NPAS3: variants seen among roughly 807,000 people sequenced by gnomAD.
NPAS3 encodes the protein neuronal PAS domain-containing protein 3.
In NPAS3, 14 loss-of-function variants were observed where a neutral mutation model predicts 73.1. The ratio of observed to expected loss-of-function variants is 0.19; its 90% CI spans 0.13 to 0.30. The LOEUF is 0.30. Among genes scored for constraint, NPAS3 ranks in the 10% least tolerant of loss-of-function variants. The pLI, the probability that NPAS3 is intolerant of heterozygous loss-of-function variation, is 1.00. For missense variants in NPAS3, 1,096 were observed against 1,250.0 expected, an observed-to-expected ratio of 0.88 and a Z score of 1.86; for synonymous variants, 620 against 541.5, an observed-to-expected ratio of 1.14 and a Z score of -2.01.
At chr14:33,285,749 C>T (rs575880389) in intron 3 of NPAS3, among the ~76,000 whole-genome samples, 84 of 152,354 alleles carry the variant, frequency 5.5e-4, no homozygotes, top group South Asian at 1.5e-3. Flanking sequence ...CCTGCAGTGC[C>T]TCCTGCCTGG....
At chr14:33,595,491 G>C (rs2094606088) in intron 5 of NPAS3, among the ~76,000 whole-genome samples, 1 of 152,004 alleles carries the variant, frequency 6.6e-6, no homozygotes, top group Non-Finnish European at 1.5e-5. Context: ...ATAAAATGCT[G>C]TGAAATTCAA....
chr14:33,069,509 A>G (rs981612741), intron 2 of NPAS3, among the ~76,000 whole-genome samples: 2 of 152,226 alleles, frequency 1.3e-5, no homozygotes, highest in Admixed American at 6.5e-5. Context: ...TGTGCAGGCT[A>G]TGATGGAGAC....
At chr14:33,025,852 G>C (rs748338065) in intron 1 of NPAS3, among the ~76,000 whole-genome samples, 4 of 152,180 alleles carry the variant, frequency 2.6e-5, no homozygotes, top group Non-Finnish European at 5.9e-5. Context: ...TCACAGAACT[G>C]TGAGCCAACT....
chr14:33,462,213 A>G (rs559947623), intron 4 of NPAS3, among the ~76,000 whole-genome samples: 1 of 152,316 alleles, frequency 6.6e-6, no homozygotes, highest in South Asian at 2.1e-4. Flanking sequence ...TCTGGGCAAC[A>G]TTAGGCAAGT....
chr14:33,067,873 A>G (rs2138623989), intron 2 of NPAS3, among the ~76,000 whole-genome samples: 1 of 152,262 alleles, frequency 6.6e-6, no homozygotes, highest in Admixed American at 6.5e-5. Context: ...TTATATAGTA[A>G]TTCAGTCTCA....
At chr14:32,955,363 G>T (rs896402072) in intron 1 of NPAS3, among the ~76,000 whole-genome samples, 4 of 152,044 alleles carry the variant, frequency 2.6e-5, no homozygotes, top group Non-Finnish European at 4.4e-5. Context: ...TCTGCAATGG[G>T]ACTACTTATG....
chr14:33,653,841 A>G (rs2059068561), intron 5 of NPAS3, among the ~76,000 whole-genome samples: 1 of 152,216 alleles, frequency 6.6e-6, no homozygotes, highest in Admixed American at 6.5e-5. Flanking sequence ...TGGAAGTTTT[A>G]GGTAAACCAT....
upstream of NPAS3, among the ~76,000 whole-genome samples, chr14:32,936,268 A>C (rs1457981720): frequency 6.6e-6 from 1 of 152,074 alleles, no homozygotes; most frequent in Non-Finnish European, 1.5e-5. Context: ...AATATTCTGT[A>C]GAAGACTTCA....
intron 3 of NPAS3, among the ~76,000 whole-genome samples, chr14:33,345,779 C>A (rs1025625374): frequency 1.3e-5 from 2 of 152,168 alleles, no homozygotes; most frequent in African/African-American, 4.8e-5. Flanking sequence ...AAATTTTTCT[C>A]CCTTGTTTTT....
At chr14:33,095,682 T>A (rs76574623) in intron 2 of NPAS3, among the ~76,000 whole-genome samples, 1 of 144,196 alleles carries the variant, frequency 6.9e-6, no homozygotes, top group Non-Finnish European at 1.5e-5. Flanking sequence ...TTTTTTTTTT[T>A]TTTTGAGAGG....
chr14:32,974,985 G>A (rs1200042134), intron 1 of NPAS3, among the ~76,000 whole-genome samples: 1 of 152,162 alleles, frequency 6.6e-6, no homozygotes, highest in South Asian at 2.1e-4. Flanking sequence ...AAAGTAGTCT[G>A]TCAGAATTTA....
intron 1 of NPAS3, among the ~76,000 whole-genome samples, chr14:33,053,441 G>A (rs914579931): frequency 3.9e-5 from 6 of 152,160 alleles, no homozygotes; most frequent in African/African-American, 1.4e-4. Context: ...AGTCCATCTA[G>A]ACAGAAGTGA....
chr14:33,079,325 C>CTTTTTTTTTTTTTTTTTTTTTTTTTTT (rs772885846), intron 2 of NPAS3, among the ~76,000 whole-genome samples: 1 of 132,300 alleles, frequency 7.6e-6, no homozygotes, highest in Admixed American at 7.6e-5. Context: ...TTTCTTTTTC[C>CTTTTTTTTTTTTTTTTTTTTTTTTTTT]TTTTTTTTTT....
chr14:33,048,560 T>C (rs564986250), intron 1 of NPAS3, among the ~76,000 whole-genome samples: 2 of 152,342 alleles, frequency 1.3e-5, no homozygotes, highest in East Asian at 3.9e-4. Context: ...TTGCCTGCTG[T>C]TCTCTACACA....
intron 1 of NPAS3, among the ~76,000 whole-genome samples, chr14:33,027,903 C>T (rs1197060999): frequency 6.6e-6 from 1 of 152,066 alleles, no homozygotes; most frequent in Non-Finnish European, 1.5e-5. Flanking sequence ...TTTTCCTGTG[C>T]CTTCTTTTGT....
intron 9 of NPAS3, among the ~76,000 whole-genome samples, chr14:33,784,951 T>C (rs10144944): frequency 3.3e-3 from 505 of 151,040 alleles, no homozygotes; most frequent in African/African-American, 0.012. Flanking sequence ...AGTTTCTCCA[T>C]GTTGGTCAGG....
chr14:33,276,165 G>C (rs1324391068), intron 3 of NPAS3, among the ~76,000 whole-genome samples: 1 of 152,108 alleles, frequency 6.6e-6, no homozygotes, highest in African/African-American at 2.4e-5. Context: ...TCGAAAGTAG[G>C]GTTAATTTGA....
intron 1 of NPAS3, among the ~76,000 whole-genome samples, chr14:33,051,243 C>T (rs1025170491): frequency 7.6e-5 from 11 of 144,020 alleles, no homozygotes; most frequent in South Asian, 2.2e-4. Context: ...CATTGCAGTC[C>T]GCAGTCCGGC....
rs1231453126 is a variant in NPAS3 at position 33,799,717 on chromosome 14, C to A, written c.1427-17C>A. 1.9e-6 allele frequency: 3 copies of A among 1,548,942 alleles called. No individual in the cohort carries two copies. The highest frequency in any genetic ancestry group is 2.4e-5 in the East Asian group (1 of 40,996). ...CTCTCTCCGCCCCCGCCACCGCCGG[C>A]CCCCCGCCCCACACAGAGGACAACG... On this transcript the variant is annotated splice_polypyrimidine_tract_variant and intron_variant, in intron 11 of 11. Coordinates refer to ENST00000356141, the Ensembl canonical transcript of NPAS3.
Sources: allele counts gnomAD v4.1 joint callset (sites outside exome capture counted in the v4.1 genomes callset), GRCh38; gene constraint gnomAD v4.1.1; transcripts MANE v1.5; gene names NCBI Gene and HGNC (gene_info 2026-07-23, HGNC 2026-07-21).